Variants in HCLS1 observed in about 807,000 individuals in gnomAD.
HCLS1 encodes the protein hematopoietic lineage cell-specific protein.
HCLS1 carries 44 observed loss-of-function variants against 68.6 expected under a neutral mutation model. The ratio of observed to expected loss-of-function variants is 0.64; its 90% CI spans 0.50 to 0.82. The LOEUF (loss-of-function observed/expected upper bound fraction) is 0.82, where lower values mean the gene tolerates loss of function less well. HCLS1 is among the 40% of genes least tolerant of loss of function. The pLI, the probability that HCLS1 is intolerant of heterozygous loss-of-function variation, is 0.00. For missense variants in HCLS1, 602 were observed against 612.1 expected, an observed-to-expected ratio of 0.98 and a Z score of 0.17; for synonymous variants, 217 against 225.8, an observed-to-expected ratio of 0.96 and a Z score of 0.35.
intron 1 of HCLS1, among the ~76,000 whole-genome samples, chr3:121,659,621 A>G (rs566790468): frequency 8.5e-5 from 13 of 152,298 alleles, no homozygotes; most frequent in Admixed American, 2.6e-4. Flanking sequence ...GGGACACCGG[A>G]GAGATATTGA....
At chr3:121,639,427 C>A (rs182143575) in intron 6 of HCLS1, among the ~76,000 whole-genome samples, 112 of 152,230 alleles carry the variant, frequency 7.4e-4, no homozygotes, top group African/African-American at 2.6e-3. Flanking sequence ...TAGAAAATTT[C>A]CCTGATGCTC....
chr3:121,648,504 G>C (rs1413204450), intron 3 of HCLS1, among the ~76,000 whole-genome samples: 1 of 152,182 alleles, frequency 6.6e-6, no homozygotes, highest in Non-Finnish European at 1.5e-5. Flanking sequence ...TTGGGCAAGA[G>C]AACCCTAAAT....
chr3:121,653,852 G>C (rs1383520038), intron 3 of HCLS1: 1 of 152,232 alleles, frequency 6.6e-6, no homozygotes, highest in Non-Finnish European at 1.5e-5. Flanking sequence ...GATTATTCCA[G>C]AGCAGTGCCA....
chr3:121,655,295 G>A (rs533638293), intron 3 of HCLS1, among the ~76,000 whole-genome samples: 57 of 152,222 alleles, frequency 3.7e-4, no homozygotes, highest in South Asian at 2.3e-3. Flanking sequence ...AAGGAAATCT[G>A]ATTAAACTAA....
At chr3:121,632,913 C>G (rs1211497516) in intron 11 of HCLS1, among the ~76,000 whole-genome samples, 154 bp downstream of exon 11, 2 of 152,120 alleles carry the variant, frequency 1.3e-5, no homozygotes, top group Non-Finnish European at 2.9e-5. Flanking sequence ...ACTAGTTTGC[C>G]CAGGACAGAG....
At chr3:121,632,041 C>A in intron 13 of HCLS1, 59 bp from the exon 14 acceptor site, 4 of 1,612,966 alleles carry the variant, frequency 2.5e-6, no homozygotes, top group Non-Finnish European at 3.4e-6. Context: ...TTTCACATGT[C>A]CCCCTGTCTT....
Position 121,647,454 on chromosome 3 carries a change from A to T in HCLS1, c.159-6T>A. On this transcript the variant is annotated splice_polypyrimidine_tract_variant and splice_region_variant and intron_variant, in intron 3 of 13. Transcript: ENST00000314583. ...TGTTCCTCAGCTGGTGGATGCTGGA[A>T]GAAACCACATGACCAAGGCTCATCT... is the stretch of plus-strand genomic sequence containing the variant. 6.2e-7 allele frequency: 1 copy of T among 1,614,054 alleles called. No homozygotes were observed. The highest frequency in any genetic ancestry group is 2.2e-5 in the East Asian group (1 of 44,874).
At position 121,632,145 on chromosome 3, in the gene HCLS1, ACAGCCCCAGCCC is replaced by A. The variant is rs757104479; in HGVS notation, c.1268_1279del (p.Gly423_Ala426del). On this transcript the variant is annotated inframe_deletion, in exon 13 of 14. Coordinates refer to ENST00000314583, the MANE Select transcript of HCLS1 (RefSeq NM_005335.6). The stretch of plus-strand genomic sequence containing the variant: ...AGCCACAGCTGAGATCCCCAGAGCC[ACAGCCCCAGCCC>A]CAGCCCCAGCCGGGCAGCCTGATGA... The A allele has an allele frequency of 6.8e-6, 11 of 1,612,482 alleles. No individual in the cohort carries two copies. In the East Asian group the frequency reaches 1.3e-4, roughly 20 times the overall value.
At chr3:121,651,132 TAAATAATCAATC>T (rs1191296297) in intron 3 of HCLS1, among the ~76,000 whole-genome samples, 1 of 151,970 alleles carries the variant, frequency 6.6e-6, no homozygotes, top group East Asian at 1.9e-4. Context: ...AATCAATCAA[TAAATAATCAATC>T]AATCAATCAA....
intron 4 of HCLS1, among the ~76,000 whole-genome samples, chr3:121,645,235 C>T (rs1000067413): frequency 6.6e-6 from 1 of 152,124 alleles, no homozygotes; most frequent in Non-Finnish European, 1.5e-5. Context: ...ACAAAAAGAG[C>T]TGAAACAAGA....
At chr3:121,657,205 C>T in intron 3 of HCLS1, 74 bp downstream of exon 3, 2 of 1,262,468 alleles carry the variant, frequency 1.6e-6, no homozygotes, top group Non-Finnish European at 2.3e-6. Context: ...CCCTCACCTT[C>T]CCCCAAGTCT....
chr3:121,644,682 T>C (rs1230452879), intron 5 of HCLS1, 136 bp downstream of exon 5: 2 of 766,438 alleles, frequency 2.6e-6, no homozygotes, highest in Admixed American at 3.6e-5. Flanking sequence ...GAGGTATCCC[T>C]GTGACGGTGT....
chr3:121,647,816 G>A (rs552350458), intron 3 of HCLS1, among the ~76,000 whole-genome samples: 2 of 152,248 alleles, frequency 1.3e-5, no homozygotes, highest in East Asian at 3.9e-4. Context: ...TAGAGGATGT[G>A]TCTCAAAAAG....
chr3:121,639,016 CA>C, intron 6 of HCLS1, among the ~76,000 whole-genome samples: 1 of 123,724 alleles, frequency 8.1e-6, no homozygotes, highest in Non-Finnish European at 1.8e-5. Context: ...CTCCAACACA[CA>C]CACACACGCA....
At chr3:121,648,154 TC>T (rs950118356) in intron 3 of HCLS1, among the ~76,000 whole-genome samples, 1 of 151,956 alleles carries the variant, frequency 6.6e-6, no homozygotes, top group Non-Finnish European at 1.5e-5. Context: ...TTCTGCCCCT[TC>T]CCCCCAGGCT....
chr3:121,659,770 C>T (rs1937951610), intron 1 of HCLS1, among the ~76,000 whole-genome samples: 1 of 150,074 alleles, frequency 6.7e-6, no homozygotes, highest in Admixed American at 6.6e-5. Flanking sequence ...TGTGCAACAA[C>T]AAAAGGACTG....
chr3:121,657,439 T>A (rs1937897259), intron 2 of HCLS1, 87 bp from the exon 3 acceptor site: 1 of 1,133,384 alleles, frequency 8.8e-7, no homozygotes, highest in Admixed American at 1.7e-5. Context: ...GCCCTCCATG[T>A]CCCCTGTGTC....
chr3:121,654,568 A>C (rs1009430146), intron 3 of HCLS1, among the ~76,000 whole-genome samples: 11 of 152,166 alleles, frequency 7.2e-5, no homozygotes, highest in African/African-American at 2.7e-4. Context: ...TGGATAAGGG[A>C]TGCATAGGAC....
intron 4 of HCLS1, among the ~76,000 whole-genome samples, chr3:121,645,914 TATA>T (rs1162928877): frequency 7.1e-6 from 1 of 140,670 alleles, no homozygotes; most frequent in African/African-American, 2.7e-5. Context: ...ATCATATAAT[TATA>T]ATATATTAAA....
Sources: allele counts gnomAD v4.1 joint callset (sites outside exome capture counted in the v4.1 genomes callset), GRCh38; gene constraint gnomAD v4.1.1; transcripts MANE v1.5; gene names NCBI Gene and HGNC (gene_info 2026-07-23, HGNC 2026-07-21).